Variants in GPR158 observed in about 807,000 individuals in gnomAD.
GPR158 encodes the protein metabotropic glycine receptor.
Under a neutral mutation model 78.2 loss-of-function variants are expected in GPR158, and 30 were observed. The observed-to-expected ratio is 0.38, with a 90% CI of 0.29 to 0.52. The LOEUF is 0.52. Among genes scored for constraint, GPR158 ranks in the 20% least tolerant of loss-of-function variants. GPR158 has a pLI of 0.83. For missense variants in GPR158, 1,463 were observed against 1,523.5 expected (o/e 0.96, Z 0.66); for synonymous variants, 581 against 591.1 (o/e 0.98, Z 0.25).
At chr10:25,480,591 A>G (rs941315947) in intron 5 of GPR158, among the ~76,000 whole-genome samples, 3 of 152,110 alleles carry the variant, frequency 2.0e-5, no homozygotes, top group Non-Finnish European at 2.9e-5. Context: ...CACAACATTT[A>G]TTCTTTTGTC....
intron 7 of GPR158, among the ~76,000 whole-genome samples, chr10:25,579,790 A>G (rs568901286): frequency 2.4e-4 from 36 of 152,336 alleles, no homozygotes; most frequent in Non-Finnish European, 4.4e-4. Context: ...TGTTATAAAA[A>G]GTTATGTAAT....
intron 2 of GPR158, among the ~76,000 whole-genome samples, chr10:25,285,595 C>T (rs1854339511): frequency 1.3e-5 from 2 of 152,170 alleles, no homozygotes; most frequent in Non-Finnish European, 1.5e-5. Context: ...GATAGATCAA[C>T]ACATTTGCCC....
At chr10:25,390,287 G>C (rs902719055) in intron 2 of GPR158, among the ~76,000 whole-genome samples, 2 of 152,236 alleles carry the variant, frequency 1.3e-5, no homozygotes, top group Non-Finnish European at 2.9e-5. Flanking sequence ...ACAGATAGAG[G>C]TTGGAACAGT....
chr10:25,294,642 C>T (rs1211229542), intron 2 of GPR158, among the ~76,000 whole-genome samples: 6 of 152,110 alleles, frequency 3.9e-5, no homozygotes, highest in African/African-American at 1.4e-4. Context: ...AAATGGCAAC[C>T]TCTATGATTT....
intron 1 of GPR158, among the ~76,000 whole-genome samples, chr10:25,193,899 AAAAG>A (rs1442056988): frequency 2.6e-5 from 4 of 152,132 alleles, no homozygotes; most frequent in Admixed American, 6.5e-5. Flanking sequence ...AAAAAAAAAA[AAAAG>A]AAAATTCAGA....
chr10:25,504,320 C>T (rs1033894267), intron 5 of GPR158, among the ~76,000 whole-genome samples: 1 of 152,098 alleles, frequency 6.6e-6, no homozygotes, highest in African/African-American at 2.4e-5. Flanking sequence ...GTGGGGCTGC[C>T]CAAGTACCCC....
At chr10:25,532,297 T>A (rs1201638095) in intron 5 of GPR158, among the ~76,000 whole-genome samples, 1 of 107,180 alleles carries the variant, frequency 9.3e-6, no homozygotes, top group African/African-American at 4.6e-5. Context: ...GCTAAAGAGG[T>A]GGGCCACTCC....
In GPR158 at chr10:25,565,105, T is replaced by G. The variant is rs993973687; in HGVS notation, c.1515-7544T>G. 2.0e-5 allele frequency among the ~76,000 whole-genome samples: 3 copies of G among 152,230 alleles called. No homozygotes were observed. The South Asian group carries it at 6.2e-4, about 32-fold the overall frequency. ...CTTCCAAATTCCATTTTACCCTGCT[T>G]CTTCGAGTTTCTGGGATGCTGTATC... On this transcript the variant is annotated intron_variant, in intron 6 of 10. Transcript: ENST00000376351.
chr10:25,489,073 G>T (rs1325278407), intron 5 of GPR158, among the ~76,000 whole-genome samples: 1 of 152,072 alleles, frequency 6.6e-6, no homozygotes, highest in Non-Finnish European at 1.5e-5. Context: ...GAAGTCAGGG[G>T]AGAAAAGTAG....
At chr10:25,418,624 T>C (rs1834698366) in intron 4 of GPR158, among the ~76,000 whole-genome samples, 1 of 150,528 alleles carries the variant, frequency 6.6e-6, no homozygotes, top group South Asian at 2.2e-4. Context: ...GTAACATTTT[T>C]CTATTCGTGA....
intron 3 of GPR158, among the ~76,000 whole-genome samples, chr10:25,398,029 A>T (rs533625172): frequency 6.6e-5 from 10 of 152,336 alleles, no homozygotes; most frequent in Admixed American, 2.6e-4. Flanking sequence ...CTAATAGCCC[A>T]TGAGAAAACA....
intron 2 of GPR158, among the ~76,000 whole-genome samples, chr10:25,304,797 AAT>A (rs1417109100): frequency 1.3e-5 from 2 of 152,176 alleles, no homozygotes; most frequent in Non-Finnish European, 2.9e-5. Context: ...TGCGTCTGAG[AAT>A]ATGAGTCACA....
chr10:25,212,923 C>A lies in GPR158; in HGVS notation c.903-8129C>A, dbSNP rs554520947. The stretch of plus-strand genomic sequence containing the variant: ...GGGATTACTGGTATGAGCCATGGTG[C>A]CTGTCCTGTAGGTTTTGTTACTATT... On this transcript the variant is annotated intron_variant, in intron 1 of 10. Transcript: ENST00000376351. Among the ~76,000 whole-genome samples the A allele has an allele frequency of 2.0e-5, 3 of 152,222 alleles. No individual in the cohort carries two copies. The South Asian group carries it at 6.2e-4, about 32-fold the overall frequency.
chr10:25,563,978 T>G (rs1290453152), intron 6 of GPR158, among the ~76,000 whole-genome samples: 1 of 152,230 alleles, frequency 6.6e-6, no homozygotes, highest in East Asian at 1.9e-4. Context: ...AGGCTGAACA[T>G]TTTGAATATT....
At chr10:25,284,034 A>G (rs963645553) in intron 2 of GPR158, among the ~76,000 whole-genome samples, 1 of 152,086 alleles carries the variant, frequency 6.6e-6, no homozygotes, top group Non-Finnish European at 1.5e-5. Flanking sequence ...GACCCAGAGT[A>G]TTGTCTGTCC....
At chr10:25,259,952 A>G (rs1655069393) in intron 2 of GPR158, among the ~76,000 whole-genome samples, 1 of 151,940 alleles carries the variant, frequency 6.6e-6, no homozygotes, top group Non-Finnish European at 1.5e-5. Flanking sequence ...AATCTAGTAA[A>G]CTTTTCTTTG....
At chr10:25,490,764 T>A (rs1010956552) in intron 5 of GPR158, among the ~76,000 whole-genome samples, 3 of 150,472 alleles carry the variant, frequency 2.0e-5, no homozygotes, top group East Asian at 2.0e-4. Context: ...TGTGTGCATG[T>A]GTCTTTATAG....
chr10:25,329,087 T>G (rs1188792641), intron 2 of GPR158, among the ~76,000 whole-genome samples: 1 of 152,030 alleles, frequency 6.6e-6, no homozygotes, highest in Non-Finnish European at 1.5e-5. Flanking sequence ...AGTTTGGTAG[T>G]TTGATTGAAA....
At chr10:25,304,320 A>G (rs1854637169) in intron 2 of GPR158, among the ~76,000 whole-genome samples, 1 of 152,128 alleles carries the variant, frequency 6.6e-6, no homozygotes, top group African/African-American at 2.4e-5. Flanking sequence ...TTTGTGAGAT[A>G]TAAATGTTTC....
Sources: gnomAD v4.1 joint callset for allele counts (sites outside exome capture counted in the v4.1 genomes callset) on GRCh38, gnomAD v4.1.1 for gene constraint, MANE v1.5 for transcripts, NCBI Gene and HGNC (gene_info 2026-07-23, HGNC 2026-07-21) for gene names.